LRP5: variants seen among roughly 807,000 people sequenced by gnomAD.
The protein encoded by LRP5 is low-density lipoprotein receptor-related protein 5.
Under a neutral mutation model 154.1 loss-of-function variants are expected in LRP5, and 62 were observed. The observed-to-expected ratio is 0.40, with a 90% CI of 0.33 to 0.50. The LOEUF (loss-of-function observed/expected upper bound fraction) is 0.50, where lower values mean the gene tolerates loss of function less well. Ranked by LOEUF, LRP5 falls within the 20% of genes least tolerant of loss-of-function variation. The pLI, the probability that LRP5 is intolerant of heterozygous loss-of-function variation, is 0.55. For synonymous variants in LRP5, 966 were observed against 1,011.5 expected, an observed-to-expected ratio of 0.96 and a Z score of 0.85; for missense variants, 1,915 against 2,336.7, an observed-to-expected ratio of 0.82 and a Z score of 3.72.
At chr11:68,442,733 T>A (rs1024276365) in intron 21 of LRP5, among the ~76,000 whole-genome samples, 3 of 152,146 alleles carry the variant, frequency 2.0e-5, no homozygotes, top group African/African-American at 7.2e-5. Flanking sequence ...CCGTAACCCA[T>A]CTCCGGGAGG....
At chr11:68,422,856 C>T (rs2098666600) in intron 13 of LRP5, among the ~76,000 whole-genome samples, 1 of 150,154 alleles carries the variant, frequency 6.7e-6, no homozygotes, top group African/African-American at 2.5e-5. Context: ...CCCCCACTCA[C>T]CCGCCCCTGC....
chr11:68,446,756 C>T (rs2098681642), intron 22 of LRP5, among the ~76,000 whole-genome samples: 1 of 152,222 alleles, frequency 6.6e-6, no homozygotes, highest in Non-Finnish European at 1.5e-5. Flanking sequence ...CAGAACTCCA[C>T]GTTCTGAGCT....
chr11:68,310,563 T>C (rs2098587100), upstream of LRP5, among the ~76,000 whole-genome samples: 1 of 151,974 alleles, frequency 6.6e-6, no homozygotes, highest in Admixed American at 6.6e-5. Flanking sequence ...GAGGTTGTGG[T>C]GAGCCAAGAT....
chr11:68,434,247 TAA>T (rs1312395270), intron 18 of LRP5, among the ~76,000 whole-genome samples: 1 of 152,132 alleles, frequency 6.6e-6, no homozygotes, highest in African/African-American at 2.4e-5. Context: ...TCAGGAGGTA[TAA>T]AGAGATTTGC....
chr11:68,308,385 A>G (rs573932972), upstream of LRP5, among the ~76,000 whole-genome samples: 1 of 152,330 alleles, frequency 6.6e-6, no homozygotes, highest in Admixed American at 6.5e-5. Context: ...TGTCCCCGGA[A>G]GCAATGAGAT....
At chr11:68,354,383 T>C (rs1249512654) in intron 2 of LRP5, among the ~76,000 whole-genome samples, 2 of 152,206 alleles carry the variant, frequency 1.3e-5, no homozygotes, top group Non-Finnish European at 2.9e-5. Flanking sequence ...TTATGCTCCA[T>C]GCGGAGGCTC....
At chr11:68,421,576 C>A (rs1384988893) in intron 13 of LRP5, among the ~76,000 whole-genome samples, 1 of 152,120 alleles carries the variant, frequency 6.6e-6, no homozygotes, top group Non-Finnish European at 1.5e-5. Context: ...TGACACATGG[C>A]CCCCTAGGGT....
At chr11:68,439,517 G>A (rs1007735578) in intron 20 of LRP5, among the ~76,000 whole-genome samples, 3 of 152,156 alleles carry the variant, frequency 2.0e-5, no homozygotes, top group South Asian at 2.1e-4. Flanking sequence ...GTGCTGCCCC[G>A]CCTGGGTTCC....
rs530484809 is a variant in LRP5, at chr11:68,407,553, A to G, written c.2091+740A>G. On this transcript the variant is annotated intron_variant, in intron 9 of 22. Transcript: ENST00000294304. Reference sequence around the variant, plus strand: ...CTTCTGATTCTGTAAAGAAAGTTTGATTGGTGGCTGGGTGCGGTGGCTCAC... The same window carrying G: ...CTTCTGATTCTGTAAAGAAAGTTTGGTTGGTGGCTGGGTGCGGTGGCTCAC... Among the ~76,000 whole-genome samples, 5 of 149,176 alleles carry G rather than the reference A, an allele frequency of 3.4e-5. No individual in the cohort carries two copies. In the South Asian group the frequency reaches 1.1e-3, roughly 33 times the overall value.
At chr11:68,420,507 C>T (rs1170116032) in intron 13 of LRP5, among the ~76,000 whole-genome samples, 1 of 152,012 alleles carries the variant, frequency 6.6e-6, no homozygotes, top group Non-Finnish European at 1.5e-5. Flanking sequence ...GAGTTTGAGA[C>T]CAGCCTGGCC....
In LRP5 at chr11:68,425,905, G is replaced by A; in HGVS notation, c.3428-73G>A. The A allele has an allele frequency of 3.0e-6, 4 of 1,351,658 alleles. No homozygotes were observed. In the Admixed American group the frequency reaches 6.7e-5, roughly 23 times the overall value. 83.7% of individuals were successfully genotyped at this position (1,351,658 alleles called of 1,614,324 possible). ...CTCCCTGGCAGTCCTGTCAACCTCT[G>A]TCCTCCCAAGCTGAGTGTGGGGCAA... On this transcript the variant is annotated intron_variant, in intron 15 of 22. Coordinates refer to ENST00000294304, the MANE Select transcript of LRP5 (RefSeq NM_002335.4).
rs756806068 is a variant in LRP5 at position 68,347,920 on chromosome 11, C to T, written c.165C>T (p.Ser55=). ...ACGCCGGCGGAGTCAAGCTGGAGTCCACCATCGTGGTCAGCGGCCTGGAGG... is the reference window on the plus strand; with the variant it reads ...ACGCCGGCGGAGTCAAGCTGGAGTCTACCATCGTGGTCAGCGGCCTGGAGG... ...LVDAGGVKLE[S]TIVVSGLEDA... Residue 55 remains serine (S), a synonymous_variant, in exon 2 of 23, where the codon TCC becomes TCT. Transcript: ENST00000294304. The T allele has an allele frequency of 1.7e-5, 28 of 1,613,572 alleles. No homozygotes were observed. The highest frequency in any genetic ancestry group is 2.4e-5 in the Non-Finnish European group (28 of 1,180,042).
intron 21 of LRP5, among the ~76,000 whole-genome samples, chr11:68,441,966 G>A (rs751327679): frequency 3.9e-5 from 6 of 152,214 alleles, no homozygotes; most frequent in African/African-American, 7.2e-5. Flanking sequence ...ATACAGAAGA[G>A]TCTGCAGTCC....
intron 1 of LRP5, among the ~76,000 whole-genome samples, chr11:68,317,797 C>T (rs528747502): frequency 6.6e-5 from 10 of 152,166 alleles, no homozygotes; most frequent in South Asian, 2.1e-4. Context: ...GGCTGCTGGG[C>T]GACTGTGCCT....
At chr11:68,327,496 A>G (rs2098600392) in intron 1 of LRP5, among the ~76,000 whole-genome samples, 1 of 151,950 alleles carries the variant, frequency 6.6e-6, no homozygotes, top group South Asian at 2.1e-4. Flanking sequence ...GCCCCCCCTT[A>G]GGCAGCATGA....
At position 68,338,874 on chromosome 11, in the gene LRP5, T is replaced by TG. The variant is rs1307742324; in HGVS notation, c.92-8973_92-8972insG. On this transcript the variant is annotated intron_variant, in intron 1 of 22. Transcript: ENST00000294304. ...TTTTTTTGCTTTTGTTTAGTTTTTT[T>TG]TTTTTTTTTTTTTTTTTGAGACAGA... 4.4e-5 allele frequency among the ~76,000 whole-genome samples: 6 copies of TG among 136,886 alleles called. No homozygotes were observed. The East Asian group carries it at 1.0e-3, about 24-fold the overall frequency. 89.8% of individuals were successfully genotyped at this position (136,886 alleles called of 152,430 possible).
chr11:68,313,901 G>A (rs1416078339), intron 1 of LRP5, among the ~76,000 whole-genome samples: 10 of 152,180 alleles, frequency 6.6e-5, no homozygotes, highest in Admixed American at 6.5e-4. Flanking sequence ...AGATCCCCCA[G>A]GCTGCAGCCT....
chr11:68,397,054 T>C (rs1289439173), intron 7 of LRP5, among the ~76,000 whole-genome samples: 1 of 152,174 alleles, frequency 6.6e-6, no homozygotes, highest in African/African-American at 2.4e-5. Context: ...GCCCTCTTCC[T>C]GAGTCTAGAG....
chr11:68,356,754 C>T (rs1292744808), intron 2 of LRP5, among the ~76,000 whole-genome samples: 1 of 152,196 alleles, frequency 6.6e-6, no homozygotes, highest in Non-Finnish European at 1.5e-5. Flanking sequence ...ATTTTCTGTG[C>T]TCCACTCATT....
Sources: allele counts gnomAD v4.1 joint callset (sites outside exome capture counted in the v4.1 genomes callset), GRCh38; gene constraint gnomAD v4.1.1; transcripts MANE v1.5; gene names NCBI Gene and HGNC (gene_info 2026-07-23, HGNC 2026-07-21).